MYO18B: variants seen among roughly 807,000 people sequenced by gnomAD.
MYO18B encodes the protein unconventional myosin-XVIIIb.
MYO18B carries 204 observed loss-of-function variants against 273.0 expected under a neutral mutation model. The ratio of observed to expected loss-of-function variants is 0.75; its 90% CI spans 0.67 to 0.84. MYO18B has a LOEUF of 0.84. MYO18B is among the 40% of genes least tolerant of loss of function. The pLI is 0.00. For missense variants in MYO18B, 3,212 were observed against 3,287.6 expected, an observed-to-expected ratio of 0.98 and a Z score of 0.56; for synonymous variants, 1,330 against 1,305.7, an observed-to-expected ratio of 1.02 and a Z score of -0.40.
At chr22:25,852,864 GT>G (rs1306581298) in intron 21 of MYO18B, among the ~76,000 whole-genome samples, 1 of 152,188 alleles carries the variant, frequency 6.6e-6, no homozygotes, top group Non-Finnish European at 1.5e-5. Flanking sequence ...TTCTGCCTCA[GT>G]TTCCTCATGT....
chr22:25,814,928 T>TAGGGAGGGGA (rs778612310), intron 12 of MYO18B, among the ~76,000 whole-genome samples: 2 of 152,216 alleles, frequency 1.3e-5, no homozygotes, highest in African/African-American at 2.4e-5. Flanking sequence ...GTCATGGACA[T>TAGGGAGGGGA]AGGGAGGGGA....
chr22:26,032,044 AC>A (rs1005328923), downstream of MYO18B, among the ~76,000 whole-genome samples: 5 of 152,284 alleles, frequency 3.3e-5, no homozygotes, highest in Non-Finnish European at 5.9e-5. Context: ...ATGGGAGAAG[AC>A]CCAGGCTCTT....
chr22:25,786,881 G>A (rs1347979447), intron 11 of MYO18B, among the ~76,000 whole-genome samples: 1 of 152,120 alleles, frequency 6.6e-6, no homozygotes, highest in African/African-American at 2.4e-5. Context: ...TAAATGGATG[G>A]CAACTAAGCA....
chr22:25,846,426 A>T, intron 19 of MYO18B, 143 bp downstream of exon 19: 1 of 903,904 alleles, frequency 1.1e-6, no homozygotes, highest in Non-Finnish European at 1.6e-6. Flanking sequence ...TCCACAGAGG[A>T]GGAAATGGGG....
chr22:26,054,513 T>G, the MYO18B span, among the ~76,000 whole-genome samples: 2 of 152,340 alleles, frequency 1.3e-5, no homozygotes, highest in South Asian at 4.1e-4. Context: ...GTGTTGAACC[T>G]GGGATCATTC....
At chr22:26,043,513 T>C in the MYO18B span, among the ~76,000 whole-genome samples, 1 of 87,950 alleles carries the variant, frequency 1.1e-5, no homozygotes, top group Non-Finnish European at 2.0e-5. Context: ...TTTTCTTTCT[T>C]TTTTTTTTTT....
chr22:25,833,552 G>T (rs562141505), intron 16 of MYO18B, among the ~76,000 whole-genome samples: 1 of 152,274 alleles, frequency 6.6e-6, no homozygotes, highest in South Asian at 2.1e-4. Context: ...GCTCGACTCA[G>T]AACTGCCCTT....
At chr22:25,992,626 T>C in intron 40 of MYO18B, 133 bp downstream of exon 40, 1 of 1,195,068 alleles carries the variant, frequency 8.4e-7, no homozygotes, top group Non-Finnish European at 1.2e-6. Flanking sequence ...GAGGCACCCC[T>C]CGTTTACTTG....
rs189457034 is a variant in MYO18B at position 25,922,500 on chromosome 22, C to T, written c.5517+1091C>T. ...CGGTCCCCATGGGGAGCTGAAGACA[C>T]CTGGGGAGGCTCAGAGCTCTGTTGG... On this transcript the variant is annotated intron_variant, in intron 34 of 43. Transcript: ENST00000335473. Among the ~76,000 whole-genome samples, 119 of 152,254 alleles carry T rather than the reference C, an allele frequency of 7.8e-4. 1 individual carries two copies. The highest frequency in any genetic ancestry group is 2.6e-3 in the African/African-American group (106 of 41,552).
At chr22:25,948,407 TTTCCTTCCTTCC>T (rs59622689) in intron 36 of MYO18B, among the ~76,000 whole-genome samples, 15,881 of 117,820 alleles carry the variant, frequency 0.13, 1,112 homozygotes, top group Middle Eastern at 0.23. Flanking sequence ...TTTTCCTGTC[TTTCCTTCCTTCC>T]TTCCTTCCTT....
chr22:26,000,551 C>A (rs1411870874), intron 40 of MYO18B, among the ~76,000 whole-genome samples: 4 of 149,536 alleles, frequency 2.7e-5, no homozygotes, highest in African/African-American at 9.8e-5. Context: ...GCAGACAGTA[C>A]AAAGCTCCCC....
chr22:25,867,619 A>ATTTCTTTCTTTCTTTC (rs143349723), intron 21 of MYO18B, among the ~76,000 whole-genome samples: 125 of 150,790 alleles, frequency 8.3e-4, no homozygotes, highest in East Asian at 1.8e-3. Context: ...CAAGACCCTG[A>ATTTCTTTCTTTCTTTC]TTTCTTTCTT....
intron 20 of MYO18B, among the ~76,000 whole-genome samples, chr22:25,848,289 T>A (rs2090320359): frequency 6.6e-6 from 1 of 152,146 alleles, no homozygotes; most frequent in African/African-American, 2.4e-5. Flanking sequence ...CGGGAGGCCC[T>A]GAGGCCTAAA....
chr22:25,943,068 T>G (rs1300820118), intron 34 of MYO18B, among the ~76,000 whole-genome samples: 1 of 152,158 alleles, frequency 6.6e-6, no homozygotes, highest in Non-Finnish European at 1.5e-5. Flanking sequence ...AGATGGGAAC[T>G]GTGTCATCGT....
At chr22:25,933,787 A>AT (rs1191325637) in intron 34 of MYO18B, among the ~76,000 whole-genome samples, 2 of 152,048 alleles carry the variant, frequency 1.3e-5, no homozygotes, top group African/African-American at 4.8e-5. Context: ...CAGTATGAAC[A>AT]TTTTTTTGCA....
At chr22:25,755,270 G>A (rs924617634) in intron 1 of MYO18B, among the ~76,000 whole-genome samples, 1 of 151,872 alleles carries the variant, frequency 6.6e-6, no homozygotes, top group Non-Finnish European at 1.5e-5. Flanking sequence ...GCAATGGCTC[G>A]ATCTCGGCTC....
At chr22:25,829,976 A>C (rs1415461171) in intron 15 of MYO18B, among the ~76,000 whole-genome samples, 1 of 152,196 alleles carries the variant, frequency 6.6e-6, no homozygotes, top group Non-Finnish European at 1.5e-5. Context: ...TGAAAATGAG[A>C]GTATTTTCAG....
At chr22:26,014,779 T>C (rs1935180627) in intron 42 of MYO18B, among the ~76,000 whole-genome samples, 1 of 152,242 alleles carries the variant, frequency 6.6e-6, no homozygotes. Flanking sequence ...TGGTATCTCA[T>C]TGTGGTTTTG....
chr22:26,005,716 A>G (rs550222655), intron 42 of MYO18B, among the ~76,000 whole-genome samples: 8 of 152,210 alleles, frequency 5.3e-5, no homozygotes, highest in Non-Finnish European at 1.2e-4. Context: ...GACTGGAAAA[A>G]TCACAGACTC....
Sources: allele counts gnomAD v4.1 joint callset (sites outside exome capture counted in the v4.1 genomes callset), GRCh38; gene constraint gnomAD v4.1.1; transcripts MANE v1.5; gene names NCBI Gene and HGNC (gene_info 2026-07-23, HGNC 2026-07-21).